The following GABRG2 variants were observed in gnomAD, a reference collection of about 807,000 sequenced individuals.
GABRG2 encodes gamma-aminobutyric acid receptor subunit gamma-2.
A neutral mutation model predicts 56.4 loss-of-function variants in GABRG2; 16 were observed. The observed-to-expected ratio is 0.28, with a 90% CI of 0.19 to 0.43. The LOEUF is 0.43. Among genes scored for constraint, GABRG2 ranks in the 20% least tolerant of loss-of-function variants. The pLI, the probability that GABRG2 is intolerant of heterozygous loss-of-function variation, is 1.00. For missense variants in GABRG2, 327 were observed against 582.7 expected (o/e 0.56, Z 4.52); for synonymous variants, 208 against 205.5 (o/e 1.01, Z -0.10).
At chr5:162,097,938 G>GAAAA in intron 4 of GABRG2, 80 bp downstream of exon 4, 1 of 865,578 alleles carries the variant, frequency 1.2e-6, no homozygotes, top group Non-Finnish European at 1.7e-6. Context: ...GTCTCTAAAA[G>GAAAA]AAAAAAAAAA....
chr5:162,094,002 G>A lies in GABRG2; in HGVS notation c.259+23G>A, dbSNP rs746864697. 3 of 1,612,092 alleles carry A rather than the reference G, an allele frequency of 1.9e-6. No individual in the cohort carries two copies. The South Asian group carries it at 3.3e-5, about 18-fold the overall frequency. On this transcript the variant is annotated intron_variant, in intron 2 of 9. Coordinates refer to ENST00000639213, the MANE Select transcript of GABRG2 (RefSeq NM_198904.4). The stretch of plus-strand genomic sequence containing the variant: ...GAGGTTTGTTAAAGTCTTTTGCGTT[G>A]TGCTATAGATAGGAGCACATAAACA...
intron 6 of GABRG2, among the ~76,000 whole-genome samples, chr5:162,139,614 T>C (rs572564495): frequency 3.3e-5 from 5 of 152,314 alleles, no homozygotes; most frequent in African/African-American, 1.2e-4. Context: ...ATTGAGGTAA[T>C]TATCTTGTTA....
upstream of GABRG2, chr5:162,067,594 AAAC>A (rs1758307861): frequency 2.2e-6 from 1 of 461,998 alleles, no homozygotes; most frequent in Admixed American, 3.8e-5. Flanking sequence ...AAAAAAATCA[AAAC>A]AAACAAATAA....
chr5:162,153,711 A>G lies in GABRG2; in HGVS notation c.*343A>G, dbSNP rs41275341. 5.7e-3 allele frequency: 2,059 copies of G among 363,110 alleles called. 21 individuals are homozygous for G. Among genetic ancestry groups the G allele is most frequent in the South Asian group, 0.016 (560 of 35,588 alleles). 22.5% of individuals were successfully genotyped at this position (363,110 alleles called of 1,614,324 possible). A position where few individuals can be genotyped will look rare whatever the true frequency, so the allele number is the denominator to read the frequency against. On this transcript the variant is annotated 3_prime_UTR_variant, in exon 10 of 10. Transcript: ENST00000639213. ...GTATCCTTACTAGATTCATAATGCAATTAGATAGAAAAGGTCCAAAACTGT... is the reference window on the plus strand; with the variant it reads ...GTATCCTTACTAGATTCATAATGCAGTTAGATAGAAAAGGTCCAAAACTGT...
At chr5:162,096,116 T>C (rs1420765359) in intron 3 of GABRG2, among the ~76,000 whole-genome samples, 1 of 151,932 alleles carries the variant, frequency 6.6e-6, no homozygotes, top group African/African-American at 2.4e-5. Flanking sequence ...ATATATGATA[T>C]AGTAAAACTA....
chr5:162,136,659 T>C (rs1032248074), intron 6 of GABRG2, among the ~76,000 whole-genome samples: 9 of 152,068 alleles, frequency 5.9e-5, no homozygotes, highest in African/African-American at 2.2e-4. Context: ...ACAAATAGAA[T>C]AATAAGAGAG....
At chr5:162,098,177 T>C (rs1281599330) in intron 4 of GABRG2, 19 of 327,530 alleles carry the variant, frequency 5.8e-5, no homozygotes, top group Non-Finnish European at 5.7e-6. Flanking sequence ...TTTGCACTCT[T>C]ATGCTTGGCA....
intron 5 of GABRG2, 114 bp downstream of exon 5, chr5:162,101,431 A>G: frequency 2.6e-6 from 2 of 780,668 alleles, no homozygotes; most frequent in East Asian, 2.6e-5. Flanking sequence ...AAGTTATGTT[A>G]CTGACTTCGA....
chr5:162,115,760 A>C (rs2113450954), intron 6 of GABRG2, among the ~76,000 whole-genome samples: 1 of 152,230 alleles, frequency 6.6e-6, no homozygotes, highest in African/African-American at 2.4e-5. Flanking sequence ...TGTTTTTAAT[A>C]TCTTAATTGT....
At chr5:162,119,491 A>G (rs1333899981) in intron 6 of GABRG2, among the ~76,000 whole-genome samples, 2 of 152,150 alleles carry the variant, frequency 1.3e-5, no homozygotes, top group Non-Finnish European at 2.9e-5. Flanking sequence ...TGAAGTAGAT[A>G]TATGATCACT....
At chr5:162,078,450 G>C (rs148073809) in intron 1 of GABRG2, among the ~76,000 whole-genome samples, 1 of 119,526 alleles carries the variant, frequency 8.4e-6, no homozygotes, top group Non-Finnish European at 1.6e-5. Flanking sequence ...TCTATCGCCT[G>C]GGCTGGAGTG....
At chr5:162,124,838 C>T (rs1258001874) in intron 6 of GABRG2, among the ~76,000 whole-genome samples, 4 of 151,692 alleles carry the variant, frequency 2.6e-5, no homozygotes, top group Non-Finnish European at 4.4e-5. Context: ...AATTGAAATA[C>T]GCTTCTGCAA....
chr5:162,089,023 G>T (rs1354409286), intron 1 of GABRG2, among the ~76,000 whole-genome samples: 1 of 152,084 alleles, frequency 6.6e-6, no homozygotes, highest in Non-Finnish European at 1.5e-5. Context: ...AATGCATATT[G>T]TGATAAATTC....
At chr5:162,089,494 G>A (rs907110975) in intron 1 of GABRG2, among the ~76,000 whole-genome samples, 20 of 152,096 alleles carry the variant, frequency 1.3e-4, no homozygotes, top group African/African-American at 3.6e-4. Context: ...TCATTTTCCC[G>A]CATGTATGTC....
chr5:162,091,279 G>T (rs1204470518), intron 1 of GABRG2, among the ~76,000 whole-genome samples: 1 of 151,786 alleles, frequency 6.6e-6, no homozygotes, highest in East Asian at 1.9e-4. Flanking sequence ...TTTATAAAAT[G>T]ATTAATATAA....
chr5:162,147,325 CCTTT>C (rs1765036735), intron 7 of GABRG2, among the ~76,000 whole-genome samples: 1 of 147,810 alleles, frequency 6.8e-6, no homozygotes, highest in Non-Finnish European at 1.5e-5. Context: ...TTCCTTCCTT[CCTTT>C]CCTTCCCTCC....
intron 6 of GABRG2, among the ~76,000 whole-genome samples, chr5:162,114,505 C>G (rs1317028243): frequency 2.0e-5 from 3 of 151,592 alleles, no homozygotes; most frequent in African/African-American, 7.3e-5. Context: ...CCATTTGCAC[C>G]CCAGCCTAGG....
chr5:162,152,652 G>T (rs1765456554), intron 9 of GABRG2: 1 of 306,808 alleles, frequency 3.3e-6, no homozygotes, highest in East Asian at 7.5e-5. Context: ...CAGAGTAATG[G>T]GTTTTCTATT....
At chr5:162,108,730 A>G (rs914142672) in intron 6 of GABRG2, among the ~76,000 whole-genome samples, 1 of 152,150 alleles carries the variant, frequency 6.6e-6, no homozygotes, top group Non-Finnish European at 1.5e-5. Flanking sequence ...GAAACATACT[A>G]CATTAAAAAT....
Sources: allele counts gnomAD v4.1 joint callset (sites outside exome capture counted in the v4.1 genomes callset), GRCh38; gene constraint gnomAD v4.1.1; transcripts MANE v1.5; gene names NCBI Gene and HGNC (gene_info 2026-07-23, HGNC 2026-07-21).